AASS: variants seen among roughly 807,000 people sequenced by gnomAD.
AASS encodes aminoadipate-semialdehyde synthase.
A neutral mutation model predicts 105.4 loss-of-function variants in AASS; 86 were observed. The observed-to-expected ratio is 0.82, with a 90% CI of 0.69 to 0.98. The LOEUF is 0.98. Ranked by LOEUF, AASS falls within the 50% of genes least tolerant of loss-of-function variation. The pLI, the probability that AASS is intolerant of heterozygous loss-of-function variation, is 0.00. For synonymous variants in AASS, 381 were observed against 394.8 expected, an observed-to-expected ratio of 0.96 and a Z score of 0.41; for missense variants, 1,048 against 1,143.2, an observed-to-expected ratio of 0.92 and a Z score of 1.20.
chr7:122,089,265 A>T (rs1793782986), intron 18 of AASS, among the ~76,000 whole-genome samples: 1 of 152,158 alleles, frequency 6.6e-6, no homozygotes, highest in African/African-American at 2.4e-5. Context: ...AAAATTCTTA[A>T]GACACAGACA....
intron 15 of AASS, among the ~76,000 whole-genome samples, chr7:122,095,054 T>C (rs889378592): frequency 6.6e-6 from 1 of 152,128 alleles, no homozygotes; most frequent in Non-Finnish European, 1.5e-5. Context: ...CAAAGCCAGA[T>C]ATCCTTCCTC....
At chr7:122,135,800 C>T (rs1796115450) in intron 1 of AASS, among the ~76,000 whole-genome samples, 1 of 151,986 alleles carries the variant, frequency 6.6e-6, no homozygotes. Context: ...ATACTTTAAA[C>T]CAAATTAAAG....
intron 3 of AASS, 31 bp from the exon 4 acceptor site, chr7:122,126,490 A>G: frequency 6.4e-7 from 1 of 1,569,316 alleles, no homozygotes; most frequent in Non-Finnish European, 8.8e-7. Flanking sequence ...TTTCAACTGG[A>G]CCCATTAAGC....
intron 1 of AASS, among the ~76,000 whole-genome samples, chr7:122,141,789 A>G (rs770900036): frequency 3.9e-5 from 6 of 152,074 alleles, no homozygotes; most frequent in Non-Finnish European, 8.8e-5. Context: ...AACTAGATGT[A>G]GGGTTCCTCC....
At chr7:122,081,801 G>A (rs1206370) in intron 19 of AASS, 45,153 of 562,962 alleles carry the variant, frequency 0.08, 2,415 homozygotes, top group African/African-American at 0.2. Context: ...CACCAAAAAA[G>A]TATTGAGGAT....
At chr7:122,090,696 C>T (rs1158237029) in intron 18 of AASS, among the ~76,000 whole-genome samples, 2 of 152,114 alleles carry the variant, frequency 1.3e-5, no homozygotes, top group East Asian at 1.9e-4. Flanking sequence ...CTCTGAGTCT[C>T]GTTTCATTTT....
At chr7:122,105,152 G>A (rs1427733361) in intron 11 of AASS, among the ~76,000 whole-genome samples, 1 of 152,020 alleles carries the variant, frequency 6.6e-6, no homozygotes, top group Non-Finnish European at 1.5e-5. Flanking sequence ...TTATTAAAGA[G>A]CTCAAGTCAT....
chr7:122,141,236 G>A (rs988025241), intron 1 of AASS, among the ~76,000 whole-genome samples: 12 of 152,132 alleles, frequency 7.9e-5, no homozygotes, highest in African/African-American at 1.7e-4. Flanking sequence ...AGACTTTGGG[G>A]GAGGAGGTCT....
chr7:122,086,566 A>G (rs1026451774), intron 18 of AASS, among the ~76,000 whole-genome samples: 3 of 151,480 alleles, frequency 2.0e-5, no homozygotes, highest in African/African-American at 4.8e-5. Context: ...CTAAATATTT[A>G]AAAATAAAAA....
intron 18 of AASS, among the ~76,000 whole-genome samples, chr7:122,091,251 T>C (rs1793883920): frequency 6.6e-6 from 1 of 152,114 alleles, no homozygotes; most frequent in South Asian, 2.1e-4. Context: ...GAAGAAATTA[T>C]AGTTTCTTTC....
At chr7:122,114,332 G>T (rs781539980) in intron 9 of AASS, among the ~76,000 whole-genome samples, 62 of 152,064 alleles carry the variant, frequency 4.1e-4, no homozygotes, top group Non-Finnish European at 7.4e-5. Flanking sequence ...GGTTTGCTGC[G>T]CCCAATGCTT....
intron 1 of AASS, 21 bp from the exon 2 acceptor site, chr7:122,133,762 G>A: frequency 6.2e-7 from 1 of 1,604,114 alleles, no homozygotes; most frequent in South Asian, 1.1e-5. Context: ...AATGTAAAGA[G>A]CAGAGCAACA....
rs1792884847 is a variant in AASS at position 122,073,963 on chromosome 7, T to C, written c.*2526A>G. On this transcript the variant is annotated 3_prime_UTR_variant, in exon 24 of 24. Coordinates refer to ENST00000417368, the MANE Select transcript of AASS (RefSeq NM_005763.4). Reference sequence around the variant, plus strand: ...TTCCTTGTATGGATATGCCACGTTTTGTTTATTCACTTGTTAGTTGATAGA... The same window carrying C: ...TTCCTTGTATGGATATGCCACGTTTCGTTTATTCACTTGTTAGTTGATAGA... 2.6e-5 allele frequency among the ~76,000 whole-genome samples: 4 copies of C among 152,226 alleles called. No homozygotes were observed. The South Asian group carries it at 8.3e-4, about 32-fold the overall frequency.
At chr7:122,122,615 C>T (rs1795490180) in intron 4 of AASS, among the ~76,000 whole-genome samples, 3 of 152,144 alleles carry the variant, frequency 2.0e-5, no homozygotes, top group South Asian at 2.1e-4. Flanking sequence ...CAAGAAATGA[C>T]AGAGATGCTG....
intron 18 of AASS, among the ~76,000 whole-genome samples, chr7:122,088,943 A>G (rs570950440): frequency 3.3e-4 from 50 of 152,276 alleles, no homozygotes; most frequent in African/African-American, 1.1e-3. Context: ...GAATCAAATT[A>G]GAAGTTAGAA....
At chr7:122,143,509 A>G (rs1454701058) in intron 1 of AASS, among the ~76,000 whole-genome samples, 1 of 151,188 alleles carries the variant, frequency 6.6e-6, no homozygotes, top group Non-Finnish European at 1.5e-5. Context: ...TGGGCTGCAT[A>G]GTCCCGCAGG....
intron 4 of AASS, among the ~76,000 whole-genome samples, chr7:122,121,397 A>AT (rs1301807362): frequency 1.3e-5 from 2 of 152,040 alleles, no homozygotes; most frequent in Admixed American, 1.3e-4. Flanking sequence ...CTTTTAAAGA[A>AT]TTTTTTTGTT....
rs1295081411 is a variant in AASS at position 122,116,882 on chromosome 7, C to T, written c.763G>A (p.Gly255Arg). 1.2e-6 allele frequency: 2 copies of T among 1,613,810 alleles called. No individual in the cohort carries two copies. Among genetic ancestry groups the T allele is most frequent in the Non-Finnish European group, 1.7e-6 (2 of 1,179,816 alleles). The change falls in exon 7 of 24, where the codon GGA (glycine) becomes AGA (arginine). Residue 255 changes from glycine to arginine, a missense_variant. Coordinates refer to ENST00000417368, the MANE Select transcript of AASS (RefSeq NM_005763.4). ...PHELKEVSQT[G>R]DLRKVYGTVL... is the part of the protein sequence containing the mutation. Reference sequence around the variant, plus strand: ...TTAGTCATCTCCTGTCCCTTACCTCCAGTTTGGGAAACTTCTTTTAATTCA... The same window carrying T: ...TTAGTCATCTCCTGTCCCTTACCTCTAGTTTGGGAAACTTCTTTTAATTCA...
intron 1 of AASS, among the ~76,000 whole-genome samples, chr7:122,134,315 A>T (rs971907821): frequency 7.2e-5 from 11 of 152,174 alleles, no homozygotes; most frequent in African/African-American, 2.4e-4. Flanking sequence ...TCACAATTAG[A>T]TGTGTACATA....
Sources: allele counts gnomAD v4.1 joint callset (sites outside exome capture counted in the v4.1 genomes callset), GRCh38; gene constraint gnomAD v4.1.1; transcripts MANE v1.5; gene names NCBI Gene and HGNC (gene_info 2026-07-23, HGNC 2026-07-21).